Variants in PREX2 observed in about 807,000 individuals in gnomAD.
The protein encoded by PREX2 is phosphatidylinositol-3,4,5-trisphosphate dependent Rac exchange factor 2.
Under a neutral mutation model 203.2 loss-of-function variants are expected in PREX2, and 107 were observed. That is an observed-to-expected ratio of 0.53 (90% CI 0.45 to 0.62). The LOEUF (loss-of-function observed/expected upper bound fraction) is 0.62, where lower values mean the gene tolerates loss of function less well. Among genes scored for constraint, PREX2 ranks in the 20% least tolerant of loss-of-function variants. The probability of loss-of-function intolerance (pLI) is 0.00; values close to 1 mark genes in which losing one functional copy is unlikely to be tolerated. For missense variants in PREX2, 1,777 were observed against 1,955.9 expected, an observed-to-expected ratio of 0.91 and a Z score of 1.72; for synonymous variants, 672 against 663.6, an observed-to-expected ratio of 1.01 and a Z score of -0.19.
chr8:67,987,912 A>AGTATGTGTGTGTGTGT (rs139568645), intron 1 of PREX2, among the ~76,000 whole-genome samples: 4,275 of 150,884 alleles, frequency 0.028, 79 homozygotes, highest in African/African-American at 0.047. Flanking sequence ...GCAGCCAGGG[A>AGTATGTGTGTGTGTGT]GTGTGTGTGT....
intron 34 of PREX2, among the ~76,000 whole-genome samples, chr8:68,146,755 C>CTATACCTACATATATGTATGTT (rs1811334807): frequency 6.6e-6 from 1 of 152,148 alleles, no homozygotes; most frequent in African/African-American, 2.4e-5. Context: ...ACATGTATGT[C>CTATACCTACATATATGTATGTT]TATACCTACA....
intron 1 of PREX2, among the ~76,000 whole-genome samples, chr8:67,962,889 T>C (rs1805671532): frequency 6.6e-6 from 1 of 152,158 alleles, no homozygotes; most frequent in Admixed American, 6.5e-5. Flanking sequence ...ATTACAGGTG[T>C]GAACTACCAT....
At chr8:68,007,845 A>G (rs549421999) in intron 1 of PREX2, among the ~76,000 whole-genome samples, 26 of 152,270 alleles carry the variant, frequency 1.7e-4, no homozygotes, top group African/African-American at 6.0e-4. Context: ...TCCTGACCTC[A>G]TGATCCGCCC....
chr8:68,211,730 A>G (rs1432907114), intron 37 of PREX2, among the ~76,000 whole-genome samples: 1 of 152,206 alleles, frequency 6.6e-6, no homozygotes, highest in Non-Finnish European at 1.5e-5. Flanking sequence ...CAGAGTAAAA[A>G]TGGACACGGG....
At chr8:68,201,665 C>G (rs1425987252) in intron 37 of PREX2, among the ~76,000 whole-genome samples, 2 of 151,730 alleles carry the variant, frequency 1.3e-5, no homozygotes, top group Non-Finnish European at 2.9e-5. Flanking sequence ...TCCACTGACT[C>G]AAATGTTAAT....
chr8:67,986,937 G>A (rs1289318143), intron 1 of PREX2, among the ~76,000 whole-genome samples: 1 of 152,020 alleles, frequency 6.6e-6, no homozygotes, highest in African/African-American at 2.4e-5. Flanking sequence ...AGACTGAGGT[G>A]GGTGGATCAT....
intron 39 of PREX2, among the ~76,000 whole-genome samples, chr8:68,224,959 C>G (rs186066577): frequency 8.1e-4 from 123 of 152,246 alleles, no homozygotes; most frequent in Non-Finnish European, 1.5e-3. Context: ...TTCCTTCTAG[C>G]ATGATTGCCT....
intron 13 of PREX2, among the ~76,000 whole-genome samples, chr8:68,072,146 G>C (rs957010167): frequency 3.3e-5 from 5 of 152,154 alleles, no homozygotes; most frequent in Admixed American, 2.0e-4. Context: ...ACTTAAAGTC[G>C]CAGTTTCCAA....
intron 17 of PREX2, among the ~76,000 whole-genome samples, chr8:68,081,090 A>G (rs1809505172): frequency 6.6e-6 from 1 of 152,050 alleles, no homozygotes; most frequent in Admixed American, 6.6e-5. Flanking sequence ...GCCGTCCCCA[A>G]CCTTCTTGGT....
intron 29 of PREX2, 72 bp downstream of exon 29, chr8:68,120,358 A>G (rs765859888): frequency 1.8e-5 from 18 of 981,056 alleles, no homozygotes; most frequent in Non-Finnish European, 3.0e-5. Flanking sequence ...GTCATGAAGC[A>G]AGCAGATTGC....
chr8:68,109,325 C>A, intron 24 of PREX2, 91 bp from the exon 25 acceptor site: 1 of 911,364 alleles, frequency 1.1e-6, no homozygotes, highest in South Asian at 1.7e-5. Flanking sequence ...TTTTATCTGT[C>A]AATTAAAAAA....
At chr8:68,103,528 T>C (rs779520104) in intron 23 of PREX2, 3 of 518,714 alleles carry the variant, frequency 5.8e-6, no homozygotes, top group Non-Finnish European at 1.2e-5. Context: ...GAAATAGCCC[T>C]CCCCTACCCC....
chr8:68,215,934 G>A (rs903432854), intron 37 of PREX2, among the ~76,000 whole-genome samples: 4 of 152,180 alleles, frequency 2.6e-5, no homozygotes, highest in African/African-American at 9.7e-5. Flanking sequence ...AAGACAATAT[G>A]CATTGTTATC....
chr8:68,019,784 A>C, intron 3 of PREX2, 113 bp downstream of exon 3: 1 of 1,048,636 alleles, frequency 9.5e-7, no homozygotes, highest in Non-Finnish European at 1.4e-6. Flanking sequence ...CTGACACCAA[A>C]AGTTTAAGGT....
Position 68,080,431 on chromosome 8 carries a change from C to T in PREX2, c.1643-12C>T. 1 of 1,607,402 alleles carries T rather than the reference C, an allele frequency of 6.2e-7. No homozygotes were observed. Among genetic ancestry groups the T allele is most frequent in the Non-Finnish European group, 8.5e-7 (1 of 1,178,184 alleles). ...ATTAGCTGAAATAATTTGCATCTGT[C>T]TTTTTCTGTAGTCCTTGAAAAAAGC... On this transcript the variant is annotated splice_polypyrimidine_tract_variant and intron_variant, in intron 15 of 39. Coordinates refer to ENST00000288368, the MANE Select transcript of PREX2 (RefSeq NM_024870.4).
intron 1 of PREX2, among the ~76,000 whole-genome samples, chr8:67,985,630 A>T (rs1228409004): frequency 6.6e-6 from 1 of 152,190 alleles, no homozygotes; most frequent in Non-Finnish European, 1.5e-5. Flanking sequence ...CTCATTGTTA[A>T]GTAGGGCAGC....
intron 33 of PREX2, among the ~76,000 whole-genome samples, chr8:68,145,648 GT>G (rs200567488): frequency 3.3e-5 from 5 of 151,212 alleles, no homozygotes; most frequent in South Asian, 4.2e-4. Context: ...AAGTTGATTG[GT>G]TTTTTTTTAA....
At position 68,145,587 on chromosome 8, in the gene PREX2, G is replaced by C. The variant is rs967078086; in HGVS notation, c.4088-622G>C. Among the ~76,000 whole-genome samples, 9 of 152,188 alleles carry C rather than the reference G, an allele frequency of 5.9e-5. No individual in the cohort carries two copies. In the East Asian group the frequency reaches 1.7e-3, roughly 29 times the overall value. ...TGTCATGGATAAGTATCATCAAATG[G>C]AGAGGATTTATGGTAGCATTGTGAA... On this transcript the variant is annotated intron_variant, in intron 33 of 39. Coordinates refer to ENST00000288368, the MANE Select transcript of PREX2 (RefSeq NM_024870.4).
rs187284811 is a variant in PREX2 at position 68,132,052 on chromosome 8, G to C, written c.3767-2007G>C. Among the ~76,000 whole-genome samples the C allele has an allele frequency of 1.4e-3, 216 of 152,160 alleles. 2 individuals carry two copies. The highest frequency in any genetic ancestry group is 4.7e-3 in the African/African-American group (197 of 41,538). ...TTCTGTCGTGAACCTCAGTACCCTA[G>C]GTGCACACTGGAGCTAACAAGCTAT... On this transcript the variant is annotated intron_variant, in intron 31 of 39. Transcript: ENST00000288368.
Sources: allele counts gnomAD v4.1 joint callset (sites outside exome capture counted in the v4.1 genomes callset), GRCh38; gene constraint gnomAD v4.1.1; transcripts MANE v1.5; gene names NCBI Gene and HGNC (gene_info 2026-07-23, HGNC 2026-07-21).